Variants in NDUFAF2 observed in about 807,000 individuals in gnomAD.
NDUFAF2 encodes NADH:ubiquinone oxidoreductase complex assembly factor 2.
In NDUFAF2, 13 loss-of-function variants were observed where a neutral mutation model predicts 22.8. The observed-to-expected ratio is 0.57, with a 90% CI of 0.37 to 0.91. NDUFAF2 has a LOEUF of 0.91. NDUFAF2 is among the 40% of genes least tolerant of loss of function. NDUFAF2 has a pLI of 0.01. For missense variants in NDUFAF2, 162 were observed against 195.2 expected (o/e 0.83, Z 1.01); for synonymous variants, 53 against 64.2 (o/e 0.83, Z 0.84).
chr5:61,143,094 G>A (rs1445233116), intron 3 of NDUFAF2, among the ~76,000 whole-genome samples: 1 of 152,040 alleles, frequency 6.6e-6, no homozygotes, highest in African/African-American at 2.4e-5. Flanking sequence ...AACTCTGAAC[G>A]TTTTGAAACA....
chr5:61,065,396 A>G (rs1316410020), intron 1 of NDUFAF2, among the ~76,000 whole-genome samples: 1 of 152,086 alleles, frequency 6.6e-6, no homozygotes, highest in Non-Finnish European at 1.5e-5. Flanking sequence ...AAAGACATCA[A>G]AAGAACTACA....
intron 1 of NDUFAF2, among the ~76,000 whole-genome samples, chr5:61,023,109 C>G (rs1751605615): frequency 6.6e-6 from 1 of 152,124 alleles, no homozygotes; most frequent in South Asian, 2.1e-4. Flanking sequence ...AGGTGTTCCC[C>G]CCTTCTTCTG....
At chr5:61,070,221 C>T (rs1188628238) in intron 1 of NDUFAF2, among the ~76,000 whole-genome samples, 4 of 151,960 alleles carry the variant, frequency 2.6e-5, no homozygotes, top group East Asian at 3.9e-4. Context: ...GTATTCACTA[C>T]GATGGAAATT....
intron 2 of NDUFAF2, among the ~76,000 whole-genome samples, chr5:61,088,177 C>T (rs1162206679): frequency 4.6e-5 from 7 of 152,150 alleles, no homozygotes; most frequent in African/African-American, 1.4e-4. Flanking sequence ...CAATTTCTTG[C>T]CAATGGTGTT....
intron 1 of NDUFAF2, among the ~76,000 whole-genome samples, chr5:61,063,815 G>A (rs1204063635): frequency 1.3e-5 from 2 of 151,936 alleles, no homozygotes; most frequent in Non-Finnish European, 2.9e-5. Flanking sequence ...GCAAAAAGAG[G>A]AAGAAAAGAA....
intron 1 of NDUFAF2, among the ~76,000 whole-genome samples, chr5:60,946,816 T>G (rs1214392583): frequency 6.6e-6 from 1 of 152,198 alleles, no homozygotes; most frequent in African/African-American, 2.4e-5. Context: ...CCCACACCCT[T>G]TGGCAACTAC....
chr5:61,022,522 T>C (rs1751596849), intron 1 of NDUFAF2, among the ~76,000 whole-genome samples: 1 of 152,236 alleles, frequency 6.6e-6, no homozygotes, highest in African/African-American at 2.4e-5. Context: ...GCATTTGTTA[T>C]TGCGTATGAG....
At chr5:61,129,576 G>T (rs1050937958) in intron 3 of NDUFAF2, among the ~76,000 whole-genome samples, 2 of 151,234 alleles carry the variant, frequency 1.3e-5, no homozygotes, top group African/African-American at 4.9e-5. Flanking sequence ...CTCACTCATA[G>T]GTGGGAATTG....
At chr5:61,037,767 G>A (rs1182309276) in intron 1 of NDUFAF2, among the ~76,000 whole-genome samples, 1 of 151,898 alleles carries the variant, frequency 6.6e-6, no homozygotes, top group Admixed American at 6.6e-5. Flanking sequence ...CATATCTTTG[G>A]AAATGGTTCT....
At chr5:61,060,056 A>C (rs1316818328) in intron 1 of NDUFAF2, among the ~76,000 whole-genome samples, 2 of 152,202 alleles carry the variant, frequency 1.3e-5, no homozygotes, top group African/African-American at 4.8e-5. Flanking sequence ...AATGCTAGCT[A>C]TACTACTTTA....
chr5:60,979,922 G>A (rs1157769049), intron 1 of NDUFAF2, among the ~76,000 whole-genome samples: 3 of 152,104 alleles, frequency 2.0e-5, no homozygotes, highest in African/African-American at 7.2e-5. Flanking sequence ...GTGACCACAG[G>A]GATGCTTGTT....
rs568646281 is a variant in NDUFAF2 at position 61,064,452 on chromosome 5, T to G, written c.128-8673T>G. 2.6e-5 allele frequency among the ~76,000 whole-genome samples: 4 copies of G among 152,206 alleles called. No homozygotes were observed. In the East Asian group the frequency reaches 7.7e-4, roughly 29 times the overall value. Reference sequence around the variant, plus strand: ...AACAACAACAGAATACACATTTTGCTCTAGCACACATGCATAGAACATTCT... The same window carrying G: ...AACAACAACAGAATACACATTTTGCGCTAGCACACATGCATAGAACATTCT... On this transcript the variant is annotated intron_variant, in intron 1 of 3. Transcript: ENST00000296597.
At chr5:61,061,901 A>G (rs1258318204) in intron 1 of NDUFAF2, among the ~76,000 whole-genome samples, 2 of 152,160 alleles carry the variant, frequency 1.3e-5, no homozygotes, top group African/African-American at 2.4e-5. Context: ...CAGTACCACA[A>G]ACTCCTGAAG....
At chr5:60,997,459 A>C (rs916909407) in intron 1 of NDUFAF2, among the ~76,000 whole-genome samples, 1 of 152,224 alleles carries the variant, frequency 6.6e-6, no homozygotes, top group Non-Finnish European at 1.5e-5. Flanking sequence ...CACCCATATA[A>C]GGGATTGTTT....
intron 1 of NDUFAF2, among the ~76,000 whole-genome samples, chr5:61,063,830 G>A (rs1580118748): frequency 6.6e-6 from 1 of 151,914 alleles, no homozygotes; most frequent in East Asian, 1.9e-4. Context: ...AAAGAACAAA[G>A]GAACTACAAA....
intron 3 of NDUFAF2, among the ~76,000 whole-genome samples, chr5:61,130,036 TTCA>T (rs1247168575): frequency 6.6e-6 from 1 of 152,090 alleles, no homozygotes; most frequent in Non-Finnish European, 1.5e-5. Context: ...CTAGAAAACA[TTCA>T]TCTAATCTGA....
intron 1 of NDUFAF2, among the ~76,000 whole-genome samples, chr5:61,064,088 G>A (rs994857459): frequency 5.3e-5 from 8 of 152,044 alleles, no homozygotes; most frequent in East Asian, 1.9e-4. Flanking sequence ...GAAAGCAAGC[G>A]TGGCTGTACT....
intron 3 of NDUFAF2, among the ~76,000 whole-genome samples, chr5:61,139,395 G>A (rs979149366): frequency 3.3e-5 from 5 of 152,152 alleles, no homozygotes; most frequent in African/African-American, 2.4e-5. Flanking sequence ...AAGGCATGTC[G>A]CTTTTGCACT....
At chr5:60,989,360 A>G (rs1206067459) in intron 1 of NDUFAF2, among the ~76,000 whole-genome samples, 2 of 152,130 alleles carry the variant, frequency 1.3e-5, no homozygotes, top group Non-Finnish European at 2.9e-5. Context: ...GCAATTCCTC[A>G]AAGAACTTAG....
Sources: allele counts gnomAD v4.1 joint callset (sites outside exome capture counted in the v4.1 genomes callset), GRCh38; gene constraint gnomAD v4.1.1; transcripts MANE v1.5; gene names NCBI Gene and HGNC (gene_info 2026-07-23, HGNC 2026-07-21).